Variants in NFAT5 observed in about 807,000 individuals in gnomAD.
NFAT5 encodes the protein nuclear factor of activated T-cells 5.
A neutral mutation model predicts 166.5 loss-of-function variants in NFAT5; 31 were observed. The observed-to-expected ratio is 0.19, with a 90% CI of 0.14 to 0.25. NFAT5 has a LOEUF of 0.25. NFAT5 is among the 10% of genes least tolerant of loss of function. The pLI is 1.00. For missense variants in NFAT5, 1,449 were observed against 1,821.8 expected, an observed-to-expected ratio of 0.80 and a Z score of 3.72; for synonymous variants, 612 against 639.7, an observed-to-expected ratio of 0.96 and a Z score of 0.65.
chr16:69,626,891 C>A (rs1567552456), intron 3 of NFAT5, among the ~76,000 whole-genome samples: 1 of 151,892 alleles, frequency 6.6e-6, no homozygotes, highest in African/African-American at 2.4e-5. Flanking sequence ...AAGACTTGCA[C>A]CAAGGGAAAA....
rs2033281213 is a variant in NFAT5, at chr16:69,604,155, G to A, written c.128-22248G>A. ...CTTGTCCAGGGGCACATAGAAGCAA[G>A]CAGCAGAGCTGGGATTTAAATGGAG... On this transcript the variant is annotated intron_variant, in intron 2 of 14. Coordinates refer to ENST00000349945, the MANE Select transcript of NFAT5 (RefSeq NM_138713.4). Among the ~76,000 whole-genome samples the A allele has an allele frequency of 2.6e-5, 4 of 152,272 alleles. No individual in the cohort carries two copies. The South Asian group carries it at 8.3e-4, about 32-fold the overall frequency.
intron 2 of NFAT5, among the ~76,000 whole-genome samples, chr16:69,574,305 G>A (rs2016612971): frequency 6.6e-6 from 1 of 152,198 alleles, no homozygotes; most frequent in Non-Finnish European, 1.5e-5. Context: ...AGAGGTAAAA[G>A]ACATTTTTCA....
intron 9 of NFAT5, among the ~76,000 whole-genome samples, chr16:69,676,182 AC>A (rs1446333744): frequency 6.6e-6 from 1 of 152,134 alleles, no homozygotes; most frequent in East Asian, 1.9e-4. Flanking sequence ...CATAATCACT[AC>A]CCTGTGATAT....
intron 11 of NFAT5, among the ~76,000 whole-genome samples, chr16:69,689,445 C>A (rs1260333002): frequency 1.3e-5 from 2 of 152,150 alleles, no homozygotes; most frequent in African/African-American, 4.8e-5. Flanking sequence ...TCCCCTCTGT[C>A]AAAATAATCA....
At position 69,568,478 on chromosome 16, in the gene NFAT5, CT is replaced by C; in HGVS notation, c.74-12del. 1 of 1,605,408 alleles carries C rather than the reference CT, an allele frequency of 6.2e-7. No individual in the cohort carries two copies. Among genetic ancestry groups the C allele is most frequent in the Non-Finnish European group, 8.5e-7 (1 of 1,175,222 alleles). On this transcript the variant is annotated splice_polypyrimidine_tract_variant and intron_variant, in intron 1 of 14. Coordinates refer to ENST00000349945, the MANE Select transcript of NFAT5 (RefSeq NM_138713.4). ...CATTCAGCATAAAAAGTACCTAATG[CT>C]TTTTGTGTTTTTCAGATTCTCTGAA...
chr16:69,566,943 C>T lies in NFAT5; in HGVS notation c.73+569C>T, dbSNP rs182629798. Among the ~76,000 whole-genome samples the T allele has an allele frequency of 2.4e-4, 36 of 152,292 alleles. No individual in the cohort carries two copies. The highest frequency in any genetic ancestry group is 8.7e-4 in the African/African-American group (36 of 41,566). On this transcript the variant is annotated intron_variant, in intron 1 of 14. Transcript: ENST00000349945. The surrounding 1 kb of genome is among the most constrained non-coding windows in gnomAD (Gnocchi z 5.7). Reference sequence around the variant, plus strand: ...CACTCCCTCCCCATGTTGGGACAGCCCCCCTCGACCAGGCGTTCTTCCTTT... The same window carrying T: ...CACTCCCTCCCCATGTTGGGACAGCTCCCCTCGACCAGGCGTTCTTCCTTT...
At position 69,687,791 on chromosome 16, in the gene NFAT5, C is replaced by A. The variant is rs1290814764; in HGVS notation, c.1774+2821C>A. On this transcript the variant is annotated intron_variant, in intron 11 of 14. Transcript: ENST00000349945. ...ATTATAATATAATCTTATCTGTAAACATGGACATTTTTAGATCAAAAATAC... is the reference window on the plus strand; with the variant it reads ...ATTATAATATAATCTTATCTGTAAAAATGGACATTTTTAGATCAAAAATAC... Among the ~76,000 whole-genome samples the A allele has an allele frequency of 2.6e-5, 4 of 152,168 alleles. No homozygotes were observed. The East Asian group carries it at 7.7e-4, about 29-fold the overall frequency.
chr16:69,619,574 T>A (rs896118886), intron 2 of NFAT5, among the ~76,000 whole-genome samples: 1 of 152,172 alleles, frequency 6.6e-6, no homozygotes, highest in African/African-American at 2.4e-5. Context: ...ATGAGAAAAA[T>A]ACATATACTG....
chr16:69,590,451 GT>G (rs1439935081), intron 2 of NFAT5, among the ~76,000 whole-genome samples: 1 of 152,162 alleles, frequency 6.6e-6, no homozygotes, highest in Non-Finnish European at 1.5e-5. Context: ...GGCAGTTCTA[GT>G]TCTTTCTTTG....
intron 2 of NFAT5, among the ~76,000 whole-genome samples, chr16:69,574,513 G>A (rs2016627047): frequency 6.6e-6 from 1 of 152,060 alleles, no homozygotes; most frequent in African/African-American, 2.4e-5. Flanking sequence ...TCCTCTATGA[G>A]TTAACTACAG....
intron 2 of NFAT5, among the ~76,000 whole-genome samples, chr16:69,593,125 T>C (rs940861938): frequency 6.6e-6 from 1 of 152,206 alleles, no homozygotes; most frequent in African/African-American, 2.4e-5. Flanking sequence ...TACATACTCT[T>C]ACTAACTATG....
chr16:69,640,965 G>T (rs2035178975), intron 3 of NFAT5, among the ~76,000 whole-genome samples: 1 of 143,952 alleles, frequency 6.9e-6, no homozygotes, highest in Non-Finnish European at 1.5e-5. Flanking sequence ...GGGGCAACAG[G>T]AGCGAAACTC....
intron 10 of NFAT5, among the ~76,000 whole-genome samples, chr16:69,678,587 G>A (rs2036928697): frequency 6.6e-6 from 1 of 152,130 alleles, no homozygotes; most frequent in Admixed American, 6.5e-5. Context: ...TCATTTAGAT[G>A]CCTGAAAAAA....
At position 69,626,412 on chromosome 16, in the gene NFAT5, A is replaced by G. The variant is rs769251041; in HGVS notation, c.137A>G (p.Tyr46Cys). The change falls in exon 3 of 15, where the codon TAT becomes TGT. Residue 46 changes from tyrosine (Y) to cysteine (C), a missense_variant. By Grantham distance (194) the Tyr-to-Cys change is radical. This residue lies in a region of NFAT5 where 172 missense variants were observed against 194.5 expected (regional missense o/e 0.88). Coordinates refer to ENST00000349945, the MANE Select transcript of NFAT5 (RefSeq NM_138713.4). ...TTTCCCCTCCCCACAGAATCTGTCT[A>G]TGATCTTCTCCCAAAGGAGTTACAG... ...HRAGLLEESV[Y>C]DLLPKELQLP... 11 of 1,575,230 alleles carry G rather than the reference A, an allele frequency of 7.0e-6. No individual in the cohort carries two copies. Among genetic ancestry groups the G allele is most frequent in the South Asian group, 2.4e-5 (2 of 84,518 alleles).
chr16:69,608,485 G>A (rs868197988), intron 2 of NFAT5, among the ~76,000 whole-genome samples: 6 of 152,144 alleles, frequency 3.9e-5, no homozygotes, highest in Admixed American at 1.3e-4. Context: ...GGCCAGGCGC[G>A]GTGGCTCACG....
In NFAT5 at chr16:69,647,042, C is replaced by G; in HGVS notation, c.268C>G (p.Pro90Ala). The G allele has an allele frequency of 1.9e-6, 3 of 1,582,450 alleles. No homozygotes were observed. The highest frequency in any genetic ancestry group is 2.6e-6 in the Non-Finnish European group (3 of 1,161,044). The change falls in exon 4 of 15, where the codon CCC becomes GCC. Residue 90 changes from proline (P) to alanine (A), a missense_variant. Transcript: ENST00000349945. This position sits in a 1 kb window ranked among gnomAD's most constrained non-coding sequence, Gnocchi z 4.8. ...GTACACTGCAGATGCTTCTTCAGCT[C>G]CCTCCTCTTCCTCCATGGGCGGTGC... ...AVVAADASSA[P>A]SSSSMGGACS...
chr16:69,581,093 A>T (rs1407686121), intron 2 of NFAT5, among the ~76,000 whole-genome samples: 2 of 151,980 alleles, frequency 1.3e-5, no homozygotes, highest in Non-Finnish European at 2.9e-5. Context: ...CTAGGCTGGA[A>T]TGCAGTGGTG....
chr16:69,668,430 A>T (rs1425778706), intron 7 of NFAT5, among the ~76,000 whole-genome samples: 4 of 152,180 alleles, frequency 2.6e-5, no homozygotes, highest in Non-Finnish European at 5.9e-5. Flanking sequence ...ATTTCTTTGG[A>T]CTTTGAATTT....
At position 69,647,561 on chromosome 16, in the gene NFAT5, A is replaced by G; in HGVS notation, c.787A>G (p.Lys263Glu). 6.3e-7 allele frequency: 1 copy of G among 1,583,318 alleles called. No homozygotes were observed. The highest frequency in any genetic ancestry group is 8.6e-7 in the Non-Finnish European group (1 of 1,166,134). ...GCTTTCTCAGCTTACCACGGACAACAAAGGCAACTCAAAAGCGGGAAATGG... is the reference window on the plus strand; with the variant it reads ...GCTTTCTCAGCTTACCACGGACAACGAAGGCAACTCAAAAGCGGGAAATGG... Reference protein sequence around the residue: ...YVLSQLTTDNKGNSKAGNGTL... With the variant: ...YVLSQLTTDNEGNSKAGNGTL... Residue 263 changes from lysine (K) to glutamate (E), a missense_variant, in exon 4 of 15, where the codon AAA becomes GAA. Coordinates refer to ENST00000349945, the MANE Select transcript of NFAT5 (RefSeq NM_138713.4). The surrounding 1 kb of genome is among the most constrained non-coding windows in gnomAD (Gnocchi z 4.8).
Sources: allele counts gnomAD v4.1 joint callset (sites outside exome capture counted in the v4.1 genomes callset), GRCh38; gene constraint gnomAD v4.1.1; regional missense constraint gnomAD v4.1.1; non-coding constraint Gnocchi (gnomAD v3.1); transcripts MANE v1.5; gene names NCBI Gene and HGNC (gene_info 2026-07-23, HGNC 2026-07-21).